BTBD10: variants seen among roughly 807,000 people sequenced by gnomAD.
The protein encoded by BTBD10 is BTB domain containing 10.
BTBD10 carries 21 observed loss-of-function variants against 53.2 expected under a neutral mutation model. That is an observed-to-expected ratio of 0.39 (90% CI 0.28 to 0.57). The LOEUF is 0.57. BTBD10 is among the 20% of genes least tolerant of loss of function. The probability of loss-of-function intolerance (pLI) is 0.53; values close to 1 mark genes in which losing one functional copy is unlikely to be tolerated. For missense variants in BTBD10, 360 were observed against 594.7 expected (o/e 0.61, Z 4.10); for synonymous variants, 149 against 192.7 (o/e 0.77, Z 1.88).
intron 1 of BTBD10, among the ~76,000 whole-genome samples, chr11:13,451,201 GAA>G (rs1353456501): frequency 6.6e-6 from 1 of 152,164 alleles, no homozygotes; most frequent in African/African-American, 2.4e-5. Flanking sequence ...TAGCCTGGCA[GAA>G]AAAGCAGGCA....
At chr11:13,404,489 C>A (rs953493373) in intron 7 of BTBD10, 2 of 481,216 alleles carry the variant, frequency 4.2e-6, no homozygotes, top group Non-Finnish European at 5.4e-6. Flanking sequence ...GGGGTCAAAC[C>A]TTTTGAAAAG....
intron 8 of BTBD10, among the ~76,000 whole-genome samples, chr11:13,396,829 A>G (rs1949564282): frequency 6.6e-6 from 1 of 152,288 alleles, no homozygotes; most frequent in East Asian, 1.9e-4. Context: ...TTCTGTTTAT[A>G]TGCTGGATTA....
intron 1 of BTBD10, among the ~76,000 whole-genome samples, chr11:13,457,769 G>T (rs536297402): frequency 6.6e-6 from 1 of 151,984 alleles, no homozygotes; most frequent in Non-Finnish European, 1.5e-5. Flanking sequence ...AATTAATAAG[G>T]GGTGTATGTA....
At chr11:13,397,223 G>C (rs1181264492) in intron 8 of BTBD10, among the ~76,000 whole-genome samples, 1 of 152,178 alleles carries the variant, frequency 6.6e-6, no homozygotes, top group Non-Finnish European at 1.5e-5. Flanking sequence ...TTCAGAGCCT[G>C]TTATTGGTCT....
At chr11:13,437,342 G>A (rs947136063) in intron 2 of BTBD10, among the ~76,000 whole-genome samples, 1 of 152,132 alleles carries the variant, frequency 6.6e-6, no homozygotes, top group Non-Finnish European at 1.5e-5. Flanking sequence ...GCTGTAGAGC[G>A]ATGCTACCTT....
chr11:13,420,666 C>T (rs1196998361), intron 3 of BTBD10, among the ~76,000 whole-genome samples: 1 of 152,092 alleles, frequency 6.6e-6, no homozygotes, highest in Non-Finnish European at 1.5e-5. Flanking sequence ...ACACTCTGTA[C>T]AGCATTATTG....
chr11:13,445,042 T>A lies in BTBD10; in HGVS notation c.83A>T (p.Lys28Ile). 6.2e-7 allele frequency: 1 copy of A among 1,611,606 alleles called. No homozygotes were observed. The highest frequency in any genetic ancestry group is 8.5e-7 in the Non-Finnish European group (1 of 1,178,024). The change falls in exon 2 of 9, where the codon AAA becomes ATA. Residue 28 changes from lysine to isoleucine, a missense_variant. Lys to Ile is a moderately radical substitution (Grantham distance 102). Coordinates refer to ENST00000278174, the MANE Select transcript of BTBD10 (RefSeq NM_032320.7). ...TACCTACCTTGAATGTTTATAAAGT[T>A]TACGAGGTCTACTATGCAATTTCCG... is the stretch of plus-strand genomic sequence containing the variant. ...WDRKLHSRPR[K>I]LYKHSSTSSR... is the part of the protein sequence containing the mutation.
intron 1 of BTBD10, among the ~76,000 whole-genome samples, chr11:13,450,755 G>A (rs897354148): frequency 1.3e-5 from 2 of 152,216 alleles, no homozygotes; most frequent in Non-Finnish European, 2.9e-5. Flanking sequence ...AGATCAGACA[G>A]ACGGAAAGAA....
intron 7 of BTBD10, chr11:13,404,587 T>A: frequency 1.0e-6 from 1 of 982,414 alleles, no homozygotes; most frequent in Non-Finnish European, 1.2e-6. Context: ...ACCTTTCACT[T>A]TTCTTGGGTT....
intron 4 of BTBD10, among the ~76,000 whole-genome samples, chr11:13,419,130 T>G (rs999957834): frequency 6.6e-6 from 1 of 152,124 alleles, no homozygotes; most frequent in Non-Finnish European, 1.5e-5. Context: ...AAACATATTA[T>G]CATTGCTAAA....
At chr11:13,455,886 A>G (rs1950955861) in intron 1 of BTBD10, among the ~76,000 whole-genome samples, 2 of 151,946 alleles carry the variant, frequency 1.3e-5, no homozygotes, top group Non-Finnish European at 2.9e-5. Flanking sequence ...CTTACCTTCC[A>G]TTCCTTTCCG....
intron 8 of BTBD10, among the ~76,000 whole-genome samples, chr11:13,402,579 T>C (rs1014799854): frequency 1.3e-5 from 2 of 152,174 alleles, no homozygotes; most frequent in Non-Finnish European, 2.9e-5. Context: ...GTTCCTCTTA[T>C]GGGTATTTTA....
At chr11:13,396,168 T>C (rs943656183) in intron 8 of BTBD10, among the ~76,000 whole-genome samples, 2 of 152,206 alleles carry the variant, frequency 1.3e-5, no homozygotes, top group Admixed American at 6.5e-5. Flanking sequence ...TTCCTACCCA[T>C]GAGCATGGAA....
chr11:13,394,747 A>C (rs1403221245), intron 8 of BTBD10, among the ~76,000 whole-genome samples: 1 of 135,560 alleles, frequency 7.4e-6, no homozygotes, highest in East Asian at 2.1e-4. Context: ...TCCTGTGTCC[A>C]TGTGTTCTCA....
At chr11:13,459,477 A>G (rs1367384508) in intron 1 of BTBD10, among the ~76,000 whole-genome samples, 5 of 152,152 alleles carry the variant, frequency 3.3e-5, no homozygotes, top group Non-Finnish European at 7.3e-5. Context: ...AGAATCTATT[A>G]AAAAGGGAGA....
rs539631965 is a variant in BTBD10, at chr11:13,427,927, G to A, written c.102-6089C>T. Reference sequence around the variant, plus strand: ...GAAATTAGAAAAGTTTGAACTAAAAGAAAGTGGAAAAAACCCCAAGATACC... The same window carrying A: ...GAAATTAGAAAAGTTTGAACTAAAAAAAAGTGGAAAAAACCCCAAGATACC... On this transcript the variant is annotated intron_variant, in intron 2 of 8. Transcript: ENST00000278174. Among the ~76,000 whole-genome samples, 366 of 152,090 alleles carry A rather than the reference G, an allele frequency of 2.4e-3. 2 individuals carry two copies. Among genetic ancestry groups the A allele is most frequent in the African/African-American group, 8.5e-3 (355 of 41,522 alleles).
In BTBD10 at chr11:13,395,093, T is replaced by C. The variant is rs901879681; in HGVS notation, c.1118-5952A>G. On this transcript the variant is annotated intron_variant, in intron 8 of 8. Coordinates refer to ENST00000278174, the MANE Select transcript of BTBD10 (RefSeq NM_032320.7). ...TGGCTGGGTCAAATGGTATTTCTAG[T>C]TCTAGATCCATGAGGAATCGCCACA... Among the ~76,000 whole-genome samples, 15 of 147,082 alleles carry C rather than the reference T, an allele frequency of 1.0e-4. 1 individual carries two copies. The highest frequency in any genetic ancestry group is 3.4e-4 in the African/African-American group (14 of 40,688).
At chr11:13,449,977 T>C (rs147744288) in intron 1 of BTBD10, among the ~76,000 whole-genome samples, 80 of 152,306 alleles carry the variant, frequency 5.3e-4, no homozygotes, top group African/African-American at 1.8e-3. Flanking sequence ...AGTCAAACCA[T>C]AGCACACTCT....
chr11:13,393,818 G>T (rs1283956448), intron 8 of BTBD10, among the ~76,000 whole-genome samples: 2 of 151,990 alleles, frequency 1.3e-5, no homozygotes, highest in Non-Finnish European at 2.9e-5. Context: ...ACCACTCACA[G>T]ACTCAAATCA....
Sources: allele counts gnomAD v4.1 joint callset (sites outside exome capture counted in the v4.1 genomes callset), GRCh38; gene constraint gnomAD v4.1.1; transcripts MANE v1.5; gene names NCBI Gene and HGNC (gene_info 2026-07-23, HGNC 2026-07-21).